Variants in RANBP2 observed in about 807,000 individuals in gnomAD.
RANBP2 encodes the protein E3 SUMO-protein ligase RanBP2.
RANBP2 carries 57 observed loss-of-function variants against 303.6 expected under a neutral mutation model. That is an observed-to-expected ratio of 0.19 (90% CI 0.15 to 0.23). RANBP2 has a LOEUF of 0.23. RANBP2 is among the 10% of genes least tolerant of loss of function. RANBP2 has a pLI of 1.00. For missense variants in RANBP2, 3,138 were observed against 3,780.8 expected (o/e 0.83, Z 4.46); for synonymous variants, 1,167 against 1,301.5 (o/e 0.90, Z 2.23).
the RANBP2 span, among the ~76,000 whole-genome samples, chr2:109,190,594 C>T: frequency 6.6e-6 from 1 of 152,304 alleles, no homozygotes. Flanking sequence ...GGGTAAATTA[C>T]CACACTCCCA....
At chr2:109,252,622 G>A in the RANBP2 span, among the ~76,000 whole-genome samples, 1 of 152,150 alleles carries the variant, frequency 6.6e-6, no homozygotes, top group African/African-American at 2.4e-5. Context: ...ATCAATAGTT[G>A]GAAGTATCAT....
At chr2:109,510,816 G>A in the RANBP2 span, among the ~76,000 whole-genome samples, 1 of 152,234 alleles carries the variant, frequency 6.6e-6, no homozygotes, top group Non-Finnish European at 1.5e-5. Flanking sequence ...ACAAAAGCAA[G>A]AGAGGCTTTC....
At chr2:109,432,477 A>C in the RANBP2 span, 1 of 1,611,742 alleles carries the variant, frequency 6.2e-7, no homozygotes, top group Admixed American at 1.7e-5. Context: ...TCCCACTGAC[A>C]CTGGCCCCAT....
the RANBP2 span, among the ~76,000 whole-genome samples, chr2:109,379,637 CCT>C: frequency 2.0e-5 from 3 of 152,190 alleles, no homozygotes; most frequent in East Asian, 5.8e-4. Flanking sequence ...TTTTCGTCAT[CCT>C]CTGTTTTTAC....
the RANBP2 span, chr2:108,910,646 C>A: frequency 1.9e-5 from 27 of 1,406,760 alleles, no homozygotes; most frequent in Non-Finnish European, 2.7e-5. Context: ...CTGTGTGGCA[C>A]CACCCCACGG....
At chr2:109,664,548 G>A in the RANBP2 span, among the ~76,000 whole-genome samples, 1 of 151,934 alleles carries the variant, frequency 6.6e-6, no homozygotes, top group African/African-American at 2.4e-5. Context: ...AGGTTGCAGG[G>A]AACACAGACC....
At chr2:109,212,665 T>G in the RANBP2 span, among the ~76,000 whole-genome samples, 1 of 152,210 alleles carries the variant, frequency 6.6e-6, no homozygotes, top group Non-Finnish European at 1.5e-5. Flanking sequence ...TCCCTTTTCT[T>G]GTGTTAAATG....
the RANBP2 span, among the ~76,000 whole-genome samples, chr2:109,460,113 G>T: frequency 1.3e-5 from 2 of 152,214 alleles, no homozygotes; most frequent in Admixed American, 1.3e-4. Flanking sequence ...CGAGCCCATT[G>T]CTGCACTTCA....
At chr2:108,748,791 T>C in intron 8 of RANBP2, 129 bp from the exon 9 acceptor site, 1 of 1,555,440 alleles carries the variant, frequency 6.4e-7, no homozygotes, top group South Asian at 1.1e-5. Context: ...TCCAGCTGTA[T>C]TTTTTGGGTT....
the RANBP2 span, among the ~76,000 whole-genome samples, chr2:109,692,380 G>A: frequency 2.0e-3 from 307 of 152,272 alleles, no homozygotes; most frequent in Non-Finnish European, 3.6e-3. Flanking sequence ...TACGGTGGTG[G>A]CAGATGCACA....
chr2:109,472,453 T>G, the RANBP2 span, among the ~76,000 whole-genome samples: 1 of 152,148 alleles, frequency 6.6e-6, no homozygotes, highest in African/African-American at 2.4e-5. Flanking sequence ...CCGACGGGGC[T>G]TCCCGTCAGG....
chr2:109,129,649 G>A, the RANBP2 span: 2 of 1,501,906 alleles, frequency 1.3e-6, no homozygotes, highest in East Asian at 2.7e-5. Flanking sequence ...TCGGGCGGCG[G>A]CCACCGCCGC....
At chr2:109,137,543 T>G in the RANBP2 span, among the ~76,000 whole-genome samples, 1 of 152,228 alleles carries the variant, frequency 6.6e-6, no homozygotes, top group African/African-American at 2.4e-5. Flanking sequence ...CTTTTAATTT[T>G]TTGTTGGCCA....
the RANBP2 span, among the ~76,000 whole-genome samples, chr2:109,251,222 C>T: frequency 2.6e-5 from 4 of 152,050 alleles, no homozygotes; most frequent in Admixed American, 1.3e-4. Context: ...AGGCTGGTCT[C>T]GAACTCCTTA....
the RANBP2 span, among the ~76,000 whole-genome samples, chr2:108,843,844 T>TTG: frequency 0.014 from 309 of 22,812 alleles, 6 homozygotes; most frequent in Middle Eastern, 0.12. Flanking sequence ...AGTTCATGTT[T>TTG]TGTGTGTGTG....
At chr2:109,433,169 C>A in the RANBP2 span, among the ~76,000 whole-genome samples, 3 of 152,150 alleles carry the variant, frequency 2.0e-5, no homozygotes, top group Non-Finnish European at 2.9e-5. Flanking sequence ...AATGTAGGTA[C>A]AGCATGTGTG....
the RANBP2 span, among the ~76,000 whole-genome samples, chr2:109,459,070 C>T: frequency 4.6e-5 from 7 of 152,060 alleles, no homozygotes; most frequent in African/African-American, 1.4e-4. Flanking sequence ...GTGCATGCGC[C>T]CTTCCCAGAA....
chr2:108,908,343 G>C, the RANBP2 span, among the ~76,000 whole-genome samples: 28 of 152,202 alleles, frequency 1.8e-4, no homozygotes, highest in African/African-American at 6.5e-4. Flanking sequence ...TGGATGCTCC[G>C]TGAAGGTTCA....
At chr2:109,600,492 A>C in the RANBP2 span, among the ~76,000 whole-genome samples, 21 of 152,088 alleles carry the variant, frequency 1.4e-4, no homozygotes, top group Middle Eastern at 3.4e-3. Flanking sequence ...TGCCCCTCAA[A>C]AAGACTGGAC....
Sources: allele counts gnomAD v4.1 joint callset (sites outside exome capture counted in the v4.1 genomes callset), GRCh38; gene constraint gnomAD v4.1.1; transcripts MANE v1.5; gene names NCBI Gene and HGNC (gene_info 2026-07-23, HGNC 2026-07-21).